ALPK1: variants seen among roughly 807,000 people sequenced by gnomAD.
ALPK1 encodes the protein alpha-protein kinase 1.
ALPK1 carries 110 observed loss-of-function variants against 120.6 expected under a neutral mutation model. That is an observed-to-expected ratio of 0.91 (90% CI 0.78 to 1.07). The LOEUF is 1.07. ALPK1 is among the 50% of genes least tolerant of loss of function. The pLI, the probability that ALPK1 is intolerant of heterozygous loss-of-function variation, is 0.00. For synonymous variants in ALPK1, 582 were observed against 560.3 expected (o/e 1.04, Z -0.55); for missense variants, 1,498 against 1,483.9 (o/e 1.01, Z -0.16).
chr4:112,412,637 C>T (rs978359488), intron 5 of ALPK1, among the ~76,000 whole-genome samples: 1 of 152,122 alleles, frequency 6.6e-6, no homozygotes, highest in Admixed American at 6.5e-5. Flanking sequence ...TGCGTTACTG[C>T]AAAGTCCACT....
intron 4 of ALPK1, among the ~76,000 whole-genome samples, chr4:112,404,051 C>T (rs1480916916): frequency 4.6e-5 from 7 of 152,272 alleles, no homozygotes; most frequent in African/African-American, 1.7e-4. Context: ...CTTTCCCTCA[C>T]CAAGTGCCAC....
chr4:112,377,278 A>G (rs1204447439), intron 2 of ALPK1, among the ~76,000 whole-genome samples: 1 of 152,224 alleles, frequency 6.6e-6, no homozygotes, highest in Non-Finnish European at 1.5e-5. Context: ...ATTACCGTGT[A>G]CTAGTGTCTA....
chr4:112,330,291 T>C lies in ALPK1; in HGVS notation c.-101+14439T>C, dbSNP rs1729309629. On this transcript the variant is annotated intron_variant, in intron 2 of 15. Coordinates refer to ENST00000650871, the MANE Select transcript of ALPK1 (RefSeq NM_025144.4). ...TTAATTCCAAGAAGAATTTATTGCATGGACACTTAAATAAGAGAAAGGAGA... is the reference window on the plus strand; with the variant it reads ...TTAATTCCAAGAAGAATTTATTGCACGGACACTTAAATAAGAGAAAGGAGA... Among the ~76,000 whole-genome samples, 3 of 152,340 alleles carry C rather than the reference T, an allele frequency of 2.0e-5. No individual in the cohort carries two copies. The South Asian group carries it at 6.2e-4, about 32-fold the overall frequency.
intron 2 of ALPK1, among the ~76,000 whole-genome samples, chr4:112,367,062 G>C (rs1731193804): frequency 6.6e-6 from 1 of 152,170 alleles, no homozygotes; most frequent in South Asian, 2.1e-4. Context: ...GGTGGAAGGT[G>C]GGTGAGGAAT....
Position 112,432,365 on chromosome 4 carries a change from G to A in ALPK1, c.2818G>A (p.Gly940Ser). Reference sequence around the variant, plus strand: ...GCTGAAATCACCTGCATTTTCCAGTGGTTCTTCTGAGGGGGACAGCCCTTG... The same window carrying A: ...GCTGAAATCACCTGCATTTTCCAGTAGTTCTTCTGAGGGGGACAGCCCTTG... The part of the protein sequence containing the change: ...WWLKSPAFSS[G>S]SSEGDSPWSY... Residue 940 changes from glycine (G) to serine (S), a missense_variant, in exon 11 of 16, where the codon GGT becomes AGT. Gly to Ser is a moderately conservative substitution (Grantham distance 56). Coordinates refer to ENST00000650871, the MANE Select transcript of ALPK1 (RefSeq NM_025144.4). 6.2e-7 allele frequency: 1 copy of A among 1,613,980 alleles called. No individual in the cohort carries two copies. The highest frequency in any genetic ancestry group is 1.3e-5 in the African/African-American group (1 of 75,016).
chr4:112,302,851 C>T (rs1435740513), intron 1 of ALPK1, among the ~76,000 whole-genome samples: 3 of 152,198 alleles, frequency 2.0e-5, no homozygotes, highest in African/African-American at 7.2e-5. Context: ...TACTCCTCGG[C>T]TCCATTTCTT....
chr4:112,331,980 G>A (rs953577757), intron 2 of ALPK1, among the ~76,000 whole-genome samples: 1 of 152,156 alleles, frequency 6.6e-6, no homozygotes, highest in African/African-American at 2.4e-5. Flanking sequence ...ACCACTAAGT[G>A]AGGTTTCTCA....
Position 112,351,261 on chromosome 4 carries a change from C to T in ALPK1, c.-100-26417C>T, listed in dbSNP as rs552018016. Among the ~76,000 whole-genome samples the T allele has an allele frequency of 7.2e-5, 11 of 152,116 alleles. 1 individual carries two copies. In the South Asian group the frequency reaches 1.5e-3, roughly 20 times the overall value. On this transcript the variant is annotated intron_variant, in intron 2 of 15. Transcript: ENST00000650871. ...CTTGAGAAGTCAAGTTTGGTAAACA[C>T]GTGCAGCTGCAGTGAACTGGACAGA...
At chr4:112,354,582 C>A (rs556270189) in intron 2 of ALPK1, among the ~76,000 whole-genome samples, 1 of 152,178 alleles carries the variant, frequency 6.6e-6, no homozygotes, top group Non-Finnish European at 1.5e-5. Context: ...AATCTCGAGC[C>A]TCAGCCTCCC....
At chr4:112,439,349 C>A (rs1254700528) in intron 13 of ALPK1, among the ~76,000 whole-genome samples, 1 of 152,180 alleles carries the variant, frequency 6.6e-6, no homozygotes, top group Non-Finnish European at 1.5e-5. Context: ...AACCTAGAGT[C>A]CCTGAGCATG....
At chr4:112,356,790 T>C (rs1276766373) in intron 2 of ALPK1, 3 of 735,330 alleles carry the variant, frequency 4.1e-6, no homozygotes, top group Non-Finnish European at 7.6e-6. Context: ...CAAGCCGACA[T>C]CGTCTTCATC....
intron 2 of ALPK1, among the ~76,000 whole-genome samples, chr4:112,360,876 G>A (rs531210625): frequency 4.6e-5 from 7 of 152,062 alleles, no homozygotes; most frequent in Non-Finnish European, 7.4e-5. Context: ...CTCTCTAGCT[G>A]CTTTAAAGAT....
At chr4:112,401,211 A>G (rs1349692238) in intron 4 of ALPK1, among the ~76,000 whole-genome samples, 1 of 152,204 alleles carries the variant, frequency 6.6e-6, no homozygotes, top group Non-Finnish European at 1.5e-5. Context: ...AGAGGCAGAA[A>G]AAGGGAGAGG....
chr4:112,339,752 C>A (rs1729779156), intron 2 of ALPK1, among the ~76,000 whole-genome samples: 1 of 152,152 alleles, frequency 6.6e-6, no homozygotes, highest in Non-Finnish European at 1.5e-5. Flanking sequence ...AGTGAGCTAC[C>A]TAGAAATTAC....
chr4:112,405,252 A>G (rs1276100458), intron 4 of ALPK1, among the ~76,000 whole-genome samples: 1 of 152,198 alleles, frequency 6.6e-6, no homozygotes, highest in Non-Finnish European at 1.5e-5. Flanking sequence ...CTGGACTTAC[A>G]AAGTGTCCTT....
intron 2 of ALPK1, among the ~76,000 whole-genome samples, chr4:112,326,457 C>A (rs895349648): frequency 1.1e-4 from 16 of 152,112 alleles, no homozygotes; most frequent in African/African-American, 3.6e-4. Flanking sequence ...TCTTGCCCCA[C>A]CTACCTAGCA....
At chr4:112,383,254 G>A (rs944518294) in intron 4 of ALPK1, 10 of 151,512 alleles carry the variant, frequency 6.6e-5, no homozygotes, top group South Asian at 6.3e-4. Flanking sequence ...ACATTCTCTC[G>A]GAAGATTGTC....
intron 4 of ALPK1, among the ~76,000 whole-genome samples, chr4:112,399,853 G>A (rs559021117): frequency 1.3e-5 from 2 of 152,114 alleles, no homozygotes; most frequent in African/African-American, 2.4e-5. Flanking sequence ...GCAGTGTTTG[G>A]TTTTCTGTTT....
At chr4:112,334,161 A>C (rs1729511164) in intron 2 of ALPK1, among the ~76,000 whole-genome samples, 1 of 152,280 alleles carries the variant, frequency 6.6e-6, no homozygotes. Context: ...GGCCAGGCTC[A>C]GTGGCTCACG....
Sources: gnomAD v4.1 joint callset for allele counts (sites outside exome capture counted in the v4.1 genomes callset) on GRCh38, gnomAD v4.1.1 for gene constraint, MANE v1.5 for transcripts, NCBI Gene and HGNC (gene_info 2026-07-23, HGNC 2026-07-21) for gene names.